ARRB1: variants seen among roughly 807,000 people sequenced by gnomAD.
ARRB1 encodes beta-arrestin-1.
Under a neutral mutation model 56.8 loss-of-function variants are expected in ARRB1, and 21 were observed. The ratio of observed to expected loss-of-function variants is 0.37; its 90% CI spans 0.26 to 0.53. ARRB1 has a LOEUF of 0.53. ARRB1 is among the 20% of genes least tolerant of loss of function. The pLI is 0.88. For synonymous variants in ARRB1, 210 were observed against 218.6 expected, an observed-to-expected ratio of 0.96 and a Z score of 0.35; for missense variants, 424 against 553.7, an observed-to-expected ratio of 0.77 and a Z score of 2.35.
chr11:75,310,631 T>A (rs546737171), intron 1 of ARRB1, among the ~76,000 whole-genome samples: 9 of 152,266 alleles, frequency 5.9e-5, no homozygotes, highest in African/African-American at 2.2e-4. Context: ...TTCAGCACCT[T>A]CCTTTGGCTC....
At chr11:75,336,857 T>A (rs761045137) in intron 1 of ARRB1, among the ~76,000 whole-genome samples, 2 of 152,106 alleles carry the variant, frequency 1.3e-5, no homozygotes, top group Non-Finnish European at 2.9e-5. Context: ...GTGGTATGCA[T>A]AAGAAAACTA....
intron 1 of ARRB1, among the ~76,000 whole-genome samples, chr11:75,294,607 A>AAATT (rs1402289363): frequency 0.018 from 641 of 35,386 alleles, 15 homozygotes; most frequent in African/African-American, 0.028. Context: ...ATAAATAAAT[A>AAATT]ACTTAAAATA....
chr11:75,303,664 C>T (rs1946957324), intron 1 of ARRB1: 3 of 456,208 alleles, frequency 6.6e-6, no homozygotes, highest in Non-Finnish European at 1.3e-5. Context: ...CAGCGGAAGG[C>T]AGACACTCAG....
Position 75,288,828 on chromosome 11 carries a change from AG to A in ARRB1, c.51+1180del, listed in dbSNP as rs150587044. 4.1e-3 allele frequency among the ~76,000 whole-genome samples: 623 copies of A among 152,132 alleles called. 6 individuals carry two copies. Among genetic ancestry groups the A allele is most frequent in the African/African-American group, 0.014 (601 of 41,504 alleles). On this transcript the variant is annotated intron_variant, in intron 2 of 15. Transcript: ENST00000420843. ...ACAGGGTTTCAAACTCCTGACCTCA[AG>A]TGATCCACCCACCTTGGCCTCCCAA... is the stretch of plus-strand genomic sequence containing the variant.
chr11:75,283,194 C>T, intron 5 of ARRB1, 93 bp downstream of exon 5: 1 of 1,319,432 alleles, frequency 7.6e-7, no homozygotes, highest in Non-Finnish European at 1.0e-6. Context: ...TGGCAGGGAG[C>T]AGCTGACCCT....
At chr11:75,267,278 C>T (rs1038048126) in intron 15 of ARRB1, among the ~76,000 whole-genome samples, 1 of 152,190 alleles carries the variant, frequency 6.6e-6, no homozygotes, top group Admixed American at 6.5e-5. Flanking sequence ...GATCCCCAGT[C>T]CCCTGCCCAC....
chr11:75,266,577 G>A (rs923725129), intron 15 of ARRB1, among the ~76,000 whole-genome samples: 1 of 152,208 alleles, frequency 6.6e-6, no homozygotes, highest in Admixed American at 6.5e-5. Context: ...TGGTTCTTTA[G>A]GAGGTGGGGG....
intron 1 of ARRB1, among the ~76,000 whole-genome samples, chr11:75,292,200 C>T (rs540619846): frequency 2.2e-4 from 33 of 152,182 alleles, no homozygotes; most frequent in African/African-American, 7.5e-4. Context: ...AGTGCAGTGG[C>T]GTGATCTCAG....
chr11:75,278,775 C>CAGGGT, intron 7 of ARRB1, 31 bp from the exon 8 acceptor site: 1 of 1,581,282 alleles, frequency 6.3e-7, no homozygotes, highest in Non-Finnish European at 8.6e-7. Context: ...GAAAGAGGAC[C>CAGGGT]AGGGTCACCT....
At chr11:75,315,439 G>A (rs951122704) in intron 1 of ARRB1, among the ~76,000 whole-genome samples, 2 of 152,048 alleles carry the variant, frequency 1.3e-5, no homozygotes, top group African/African-American at 2.4e-5. Context: ...CAGAAACTGC[G>A]TGGGTAACAT....
intron 1 of ARRB1, among the ~76,000 whole-genome samples, chr11:75,325,689 A>T (rs1947420240): frequency 6.6e-6 from 1 of 152,234 alleles, no homozygotes; most frequent in South Asian, 2.1e-4. Flanking sequence ...AATATAGACT[A>T]GTGAACTCTG....
chr11:75,274,187 C>CGTCTGGGGCGGGGCGGG lies in ARRB1; in HGVS notation c.800_801insCCCGCCCCGCCCCAGAC (p.Phe268ProfsTer13). The CGTCTGGGGCGGGGCGGG allele has an allele frequency of 6.2e-7, 1 of 1,614,182 alleles. No individual in the cohort carries two copies. Among genetic ancestry groups the CGTCTGGGGCGGGGCGGG allele is most frequent in the Non-Finnish European group, 8.5e-7 (1 of 1,180,026 alleles). Reference sequence around the variant, plus strand: ...GGGTCAGTGTGTAGACCTTGCAGAACGTCGAGCTGGGTGCCACAGTGTCAC... The same window carrying CGTCTGGGGCGGGGCGGG: ...GGGTCAGTGTGTAGACCTTGCAGAACGTCTGGGGCGGGGCGGGGTCGAGCTGGGTGCCACAGTGTCAC... On this transcript the variant is annotated frameshift_variant, in exon 11 of 16. Transcript: ENST00000420843. LOFTEE classifies it high-confidence loss of function.
At chr11:75,296,838 C>T (rs1236629287) in intron 1 of ARRB1, among the ~76,000 whole-genome samples, 1 of 152,074 alleles carries the variant, frequency 6.6e-6, no homozygotes, top group African/African-American at 2.4e-5. Flanking sequence ...CCACCATGCC[C>T]AGCTAATTTT....
At position 75,262,825 on chromosome 11, in the gene ARRB1, C is replaced by A. The variant is rs764427869; in HGVS notation, c.*3338G>T. Among the ~76,000 whole-genome samples, 3 of 152,164 alleles carry A rather than the reference C, an allele frequency of 2.0e-5. No individual in the cohort carries two copies. Among genetic ancestry groups the A allele is most frequent in the Admixed American group, 6.5e-5 (1 of 15,284 alleles). On this transcript the variant is annotated 3_prime_UTR_variant, in exon 16 of 16. Transcript: ENST00000420843. ...TTTCACTGCACCATGTAGGAACCAG[C>A]TTGTCAGGAACTCTCCCACAGAACC...
At chr11:75,288,360 G>C (rs1259093559) in intron 2 of ARRB1, among the ~76,000 whole-genome samples, 2 of 152,130 alleles carry the variant, frequency 1.3e-5, no homozygotes, top group Non-Finnish European at 2.9e-5. Context: ...CCACTCCATA[G>C]CCAGCCGGGA....
At chr11:75,320,140 G>GC in intron 1 of ARRB1, among the ~76,000 whole-genome samples, 1 of 152,194 alleles carries the variant, frequency 6.6e-6, no homozygotes. Flanking sequence ...GAGGTGAGGT[G>GC]CCCCCATCCT....
At position 75,283,463 on chromosome 11, in the gene ARRB1, C is replaced by T. The variant is rs746053701; in HGVS notation, c.178G>A (p.Ala60Thr). 2.5e-6 allele frequency: 4 copies of T among 1,612,196 alleles called. No homozygotes were observed. The highest frequency in any genetic ancestry group is 2.2e-5 in the South Asian group (2 of 90,826). ...ERRVYVTLTC[A>T]FRYGREDLDV... The stretch of plus-strand genomic sequence containing the variant: ...AGGTCCTCCCGGCCATAGCGGAAGG[C>T]GCAGGTCAGCGTCACATAGACTGTG... The change falls in exon 5 of 16, where the codon GCC (alanine) becomes ACC (threonine). Residue 60 changes from alanine to threonine, a missense_variant. Transcript: ENST00000420843.
At position 75,298,428 on chromosome 11, in the gene ARRB1, TG is replaced by T. The variant is rs368233664; in HGVS notation, c.21-8390del. 2.2e-4 allele frequency among the ~76,000 whole-genome samples: 33 copies of T among 152,292 alleles called. No individual in the cohort carries two copies. In the East Asian group the frequency reaches 4.1e-3, roughly 19 times the overall value. ...CATTTGTCCAAAGAAGATATTCAAGTGGCCACTAAACACATGAAAAGATGTT... is the reference window on the plus strand; with the variant it reads ...CATTTGTCCAAAGAAGATATTCAAGTGCCACTAAACACATGAAAAGATGTT... On this transcript the variant is annotated intron_variant, in intron 1 of 15. Coordinates refer to ENST00000420843, the MANE Select transcript of ARRB1 (RefSeq NM_004041.5).
At chr11:75,351,100 G>A (rs1947842771) in intron 1 of ARRB1, among the ~76,000 whole-genome samples, 1 of 152,244 alleles carries the variant, frequency 6.6e-6, no homozygotes, top group Admixed American at 6.5e-5. Flanking sequence ...GTGTGTGCCA[G>A]CACGAGGGTG....
Sources: gnomAD v4.1 joint callset for allele counts (sites outside exome capture counted in the v4.1 genomes callset) on GRCh38, gnomAD v4.1.1 for gene constraint, MANE v1.5 for transcripts, NCBI Gene and HGNC (gene_info 2026-07-23, HGNC 2026-07-21) for gene names.